Variants in STIP1 observed in about 807,000 individuals in gnomAD.
STIP1 encodes the protein stress induced phosphoprotein 1, also known as stress-induced-phosphoprotein 1.
STIP1 carries 16 observed loss-of-function variants against 77.4 expected under a neutral mutation model. The observed-to-expected ratio is 0.21, with a 90% CI of 0.14 to 0.31. The LOEUF is 0.31. Among genes scored for constraint, STIP1 ranks in the 10% least tolerant of loss-of-function variants. STIP1 has a pLI of 1.00. For missense variants in STIP1, 524 were observed against 684.8 expected, an observed-to-expected ratio of 0.77 and a Z score of 2.62; for synonymous variants, 258 against 246.6, an observed-to-expected ratio of 1.05 and a Z score of -0.44.
Position 64,201,260 on chromosome 11 carries a change from C to G in STIP1, c.1245+967C>G, listed in dbSNP as rs1591015145. ...TCACCATGTTTTCCCAGGCTGGTCT[C>G]AAACTCCTGGGCTCAAGCGAGCCTC... On this transcript the variant is annotated intron_variant, in intron 10 of 13. Transcript: ENST00000305218. 2.6e-5 allele frequency among the ~76,000 whole-genome samples: 4 copies of G among 152,152 alleles called. No homozygotes were observed. The East Asian group carries it at 7.7e-4, about 29-fold the overall frequency.
chr11:64,188,024 C>T (rs1322873177), intron 1 of STIP1, among the ~76,000 whole-genome samples: 14 of 126,458 alleles, frequency 1.1e-4, no homozygotes, highest in African/African-American at 4.1e-4. Context: ...GGCCACAGAG[C>T]GAGACTCCGT....
chr11:64,198,054 G>A, intron 8 of STIP1, 80 bp downstream of exon 8: 4 of 1,470,954 alleles, frequency 2.7e-6, no homozygotes, highest in Non-Finnish European at 3.6e-6. Context: ...ATTTAATAAT[G>A]AACTTGACTT....
intron 10 of STIP1, 85 bp downstream of exon 10, chr11:64,200,378 TTGA>T (rs1244972344): frequency 2.0e-6 from 3 of 1,524,204 alleles, no homozygotes; most frequent in African/African-American, 1.4e-5. Context: ...CAACATTGAG[TTGA>T]TGATGATCAT....
At chr11:64,200,142 AAG>A in intron 9 of STIP1, 25 bp from the exon 10 acceptor site, 1 of 1,609,826 alleles carries the variant, frequency 6.2e-7, no homozygotes, top group African/African-American at 1.3e-5. Context: ...TGCTTTTTAA[AAG>A]ACAGTCTTTG....
At chr11:64,190,183 A>T (rs60647009) in intron 1 of STIP1, among the ~76,000 whole-genome samples, 5,791 of 149,996 alleles carry the variant, frequency 0.039, 361 homozygotes, top group African/African-American at 0.13. Flanking sequence ...TTATTTATTT[A>T]TTTTTTTGAG....
At chr11:64,186,545 G>C (rs1946020138) in intron 1 of STIP1, 1 of 277,520 alleles carries the variant, frequency 3.6e-6, no homozygotes, top group African/African-American at 2.2e-5. Flanking sequence ...GCGGCGGGAA[G>C]AGGGGTCGCG....
At chr11:64,192,945 C>A in intron 1 of STIP1, 133 bp from the exon 2 acceptor site, 2 of 845,668 alleles carry the variant, frequency 2.4e-6, no homozygotes, top group Non-Finnish European at 3.7e-6. Flanking sequence ...ATAAATGAAC[C>A]GGTTTTCTCT....
intron 1 of STIP1, among the ~76,000 whole-genome samples, chr11:64,186,835 A>C (rs1166764891): frequency 6.6e-6 from 1 of 152,184 alleles, no homozygotes; most frequent in African/African-American, 2.4e-5. Flanking sequence ...ACATCTGAGA[A>C]GGTCAGGGTG....
rs1295637876 is a variant in STIP1, at chr11:64,204,087, C to A, written c.1593C>A (p.Ile531=). 1.2e-6 allele frequency: 2 copies of A among 1,614,050 alleles called. No homozygotes were observed. The highest frequency in any genetic ancestry group is 8.5e-7 in the Non-Finnish European group (1 of 1,180,036). Residue 531 remains isoleucine (I), a synonymous_variant, in exon 14 of 14, where the codon ATC becomes ATA. Transcript: ENST00000305218. ...AGAATCCTGTAATAGCACAGAAGAT[C>A]CAGAAGCTGATGGATGTGGGTCTGA... ...HLKNPVIAQK[I]QKLMDVGLIA... is the part of the protein sequence containing the mutation.
Position 64,186,218 on chromosome 11 carries a change from A to C in STIP1, c.-44A>C, listed in dbSNP as rs369899227. 5 of 1,549,852 alleles carry C rather than the reference A, an allele frequency of 3.2e-6. No homozygotes were observed. In the African/African-American group the frequency reaches 4.1e-5, roughly 13 times the overall value. ...GCGGCGCGTGCGGTTGGGAACGCGG[A>C]GCGGACGGATTCGATTCAACGGGGT... On this transcript the variant is annotated 5_prime_UTR_variant, in exon 1 of 14. Coordinates refer to ENST00000305218, the MANE Select transcript of STIP1 (RefSeq NM_006819.3).
chr11:64,195,771 G>C lies in STIP1; in HGVS notation c.630G>C (p.Lys210Asn). 1.9e-6 allele frequency: 3 copies of C among 1,614,120 alleles called. No homozygotes were observed. Among genetic ancestry groups the C allele is most frequent in the Non-Finnish European group, 2.5e-6 (3 of 1,180,014 alleles). Residue 210 changes from lysine to asparagine, a missense_variant, in exon 5 of 14, where the codon AAG (lysine) becomes AAC (asparagine). Physicochemically the swap from Lys to Asn is moderately conservative, Grantham distance 94. Coordinates refer to ENST00000305218, the MANE Select transcript of STIP1 (RefSeq NM_006819.3). ...PPPPPPKKET[K>N]PEPMEEDLPE... ...CACCCCCTCCCAAAAAGGAGACCAA[G>C]CCAGAGCCAATGGAAGAAGATCTTC...
chr11:64,186,166 C>T (rs924366746), upstream of STIP1: 22 of 1,550,338 alleles, frequency 1.4e-5, no homozygotes, highest in African/African-American at 1.8e-4. Context: ...AGCCGGGGTC[C>T]CGGTAGCTTC....
chr11:64,192,346 CCTTA>C (rs935244129), intron 1 of STIP1, among the ~76,000 whole-genome samples: 12 of 152,154 alleles, frequency 7.9e-5, no homozygotes, highest in Non-Finnish European at 1.6e-4. Context: ...CCCGCTGTAT[CCTTA>C]CTTCTTGCAC....
At chr11:64,195,969 TG>T in intron 5 of STIP1, 156 bp downstream of exon 5, 1 of 1,043,270 alleles carries the variant, frequency 9.6e-7, no homozygotes, top group Non-Finnish European at 1.4e-6. Context: ...CTTGAACTTC[TG>T]GCCTCAAGCG....
At chr11:64,186,476 C>CG (rs1193819800) in intron 1 of STIP1, 1 of 480,314 alleles carries the variant, frequency 2.1e-6, no homozygotes, top group Non-Finnish European at 3.1e-6. Flanking sequence ...GAGCGCCCAT[C>CG]GCCCCCTGGT....
intron 10 of STIP1, among the ~76,000 whole-genome samples, chr11:64,200,701 G>A (rs1403143137): frequency 6.6e-6 from 1 of 151,790 alleles, no homozygotes; most frequent in Non-Finnish European, 1.5e-5. Context: ...TACATTGGAA[G>A]GTGGGTCCTT....
rs776918436 is a variant in STIP1, at chr11:64,202,899, G to A, written c.1269G>A (p.Leu423=). The change falls in exon 11 of 14, where the codon CTG becomes CTA. Residue 423 remains leucine, a synonymous_variant. Coordinates refer to ENST00000305218, the MANE Select transcript of STIP1 (RefSeq NM_006819.3). The part of the protein sequence containing the change: ...ALKDCEECIQ[L]EPTFIKGYTR... The stretch of plus-strand genomic sequence containing the variant: ...AGGACTGTGAGGAATGTATCCAGCT[G>A]GAGCCGACCTTCAGTAAGTGCCTTT... 1 of 1,614,182 alleles carries A rather than the reference G, an allele frequency of 6.2e-7. No homozygotes were observed. The highest frequency in any genetic ancestry group is 1.1e-5 in the South Asian group (1 of 91,078).
intron 6 of STIP1, 32 bp downstream of exon 6, chr11:64,197,429 G>A (rs201627448): frequency 6.2e-7 from 1 of 1,614,122 alleles, no homozygotes; most frequent in South Asian, 1.1e-5. Flanking sequence ...CAAGGGAATT[G>A]TTGGGTGTCT....
chr11:64,202,818 C>T, intron 10 of STIP1, 58 bp from the exon 11 acceptor site: 2 of 1,606,856 alleles, frequency 1.2e-6, no homozygotes, highest in Non-Finnish European at 1.7e-6. Flanking sequence ...GCTTGAGTTG[C>T]CTGTACTGAG....
Sources: gnomAD v4.1 joint callset for allele counts (sites outside exome capture counted in the v4.1 genomes callset) on GRCh38, gnomAD v4.1.1 for gene constraint, MANE v1.5 for transcripts, NCBI Gene and HGNC (gene_info 2026-07-23, HGNC 2026-07-21) for gene names.